RORB: variants seen among roughly 807,000 people sequenced by gnomAD.
RORB encodes the protein nuclear receptor ROR-beta.
Under a neutral mutation model 59.1 loss-of-function variants are expected in RORB, and 6 were observed. The observed-to-expected ratio is 0.10, with a 90% CI of 0.06 to 0.20. The LOEUF is 0.20. Ranked by LOEUF, RORB falls within the 10% of genes least tolerant of loss-of-function variation. The pLI, the probability that RORB is intolerant of heterozygous loss-of-function variation, is 1.00. For synonymous variants in RORB, 215 were observed against 204.5 expected (o/e 1.05, Z -0.44); for missense variants, 320 against 560.5 (o/e 0.57, Z 4.33).
chr9:74,659,954 T>C (rs912413148), intron 4 of RORB, among the ~76,000 whole-genome samples: 1 of 149,246 alleles, frequency 6.7e-6, no homozygotes, highest in Admixed American at 6.7e-5. Context: ...AAGGAGAATA[T>C]AATGGTCCCT....
intron 1 of RORB, among the ~76,000 whole-genome samples, chr9:74,592,915 G>A (rs1822921119): frequency 1.3e-5 from 2 of 151,946 alleles, no homozygotes; most frequent in South Asian, 2.1e-4. Context: ...GAGAGCTAGG[G>A]GAAGCTGTCA....
chr9:74,541,556 A>G (rs2118135355), intron 1 of RORB, among the ~76,000 whole-genome samples: 1 of 152,208 alleles, frequency 6.6e-6, no homozygotes, highest in South Asian at 2.1e-4. Context: ...ACCTGTGATT[A>G]ATTATTTTCC....
Position 74,685,702 on chromosome 9 carries a change from T to C in RORB, c.*84T>C, listed in dbSNP as rs1414927197. 1.4e-5 allele frequency: 14 copies of C among 1,022,786 alleles called. No individual in the cohort carries two copies. The East Asian group carries it at 3.6e-4, about 26-fold the overall frequency. 63.4% of individuals were successfully genotyped at this position (1,022,786 alleles called of 1,614,324 possible). On this transcript the variant is annotated 3_prime_UTR_variant, in exon 10 of 10. Transcript: ENST00000376896. Reference sequence around the variant, plus strand: ...TGTGTTCATGAAGACTTAAGAAAAATGTCACTACTGCAACATTAGGAATGT... The same window carrying C: ...TGTGTTCATGAAGACTTAAGAAAAACGTCACTACTGCAACATTAGGAATGT...
At chr9:74,633,205 A>G (rs929462647) in intron 2 of RORB, among the ~76,000 whole-genome samples, 7 of 152,196 alleles carry the variant, frequency 4.6e-5, no homozygotes, top group African/African-American at 1.7e-4. Context: ...TTTTTAACAC[A>G]TTGTGTTAAA....
chr9:74,517,363 A>G (rs1301582321), intron 1 of RORB, among the ~76,000 whole-genome samples: 14 of 152,022 alleles, frequency 9.2e-5, no homozygotes, highest in Non-Finnish European at 1.5e-5. Flanking sequence ...TGTAACTTGC[A>G]CTATACTCGG....
intron 2 of RORB, among the ~76,000 whole-genome samples, chr9:74,633,178 T>G (rs1823647968): frequency 6.6e-6 from 1 of 152,204 alleles, no homozygotes. Flanking sequence ...TATTGGGTAT[T>G]TTTGCATTAA....
intron 4 of RORB, 79 bp from the exon 5 acceptor site, chr9:74,660,538 T>A (rs1225653289): frequency 8.9e-6 from 12 of 1,353,616 alleles, no homozygotes; most frequent in Non-Finnish European, 1.2e-5. Context: ...CAAAAGGCAT[T>A]CTTATAGTAA....
intron 1 of RORB, among the ~76,000 whole-genome samples, chr9:74,568,552 T>C (rs1396735248): frequency 6.6e-6 from 1 of 151,632 alleles, no homozygotes; most frequent in Non-Finnish European, 1.5e-5. Context: ...ATACAAAAAT[T>C]AGCCAGGTGT....
chr9:74,622,519 A>ATTTTTT lies in RORB; in HGVS notation c.8-7743_8-7738dup, dbSNP rs33946613. ...TCACAGAGATGCTGTTACAACCCAGATTTTTTTTTTTTTTTTTTTTTTTTT... is the reference window on the plus strand; with the variant it reads ...TCACAGAGATGCTGTTACAACCCAGATTTTTTTTTTTTTTTTTTTTTTTTTTTTTTT... On this transcript the variant is annotated intron_variant, in intron 1 of 9. Coordinates refer to ENST00000376896, the MANE Select transcript of RORB (RefSeq NM_006914.4). Among the ~76,000 whole-genome samples the ATTTTTT allele has an allele frequency of 1.5e-3, 110 of 74,140 alleles. 6 individuals are homozygous for ATTTTTT. Among genetic ancestry groups the ATTTTTT allele is most frequent in the African/African-American group, 2.5e-3 (45 of 17,864 alleles). 48.6% of individuals were successfully genotyped at this position (74,140 alleles called of 152,430 possible).
In RORB at chr9:74,690,632, C is replaced by T. The variant is rs1824726593; in HGVS notation, c.*5014C>T. On this transcript the variant is annotated 3_prime_UTR_variant, in exon 10 of 10. Transcript: ENST00000376896. ...CCAGCTCAACTGCAGCAAGTCTGGTCAGATTCAACCCTGGACGATATTAGA... is the reference window on the plus strand; with the variant it reads ...CCAGCTCAACTGCAGCAAGTCTGGTTAGATTCAACCCTGGACGATATTAGA... 6.6e-6 allele frequency: 1 copy of T among 152,252 alleles called. No individual in the cohort carries two copies. The highest frequency in any genetic ancestry group is 6.5e-5 in the Admixed American group (1 of 15,294). The allele number at this position is 152,252 out of a possible 1,614,324, so 9.4% of individuals were successfully genotyped here.
intron 4 of RORB, among the ~76,000 whole-genome samples, chr9:74,659,276 G>A (rs1458213388): frequency 1.3e-5 from 2 of 152,206 alleles, no homozygotes; most frequent in Non-Finnish European, 2.9e-5. Context: ...GAAGCTTAGT[G>A]AGATAGAAAG....
At chr9:74,660,344 T>A (rs1249666289) in intron 4 of RORB, among the ~76,000 whole-genome samples, 1 of 152,154 alleles carries the variant, frequency 6.6e-6, no homozygotes, top group Non-Finnish European at 1.5e-5. Context: ...ATCTTTTTTA[T>A]AAATAAATAC....
At chr9:74,562,771 T>C (rs1822414931) in intron 1 of RORB, among the ~76,000 whole-genome samples, 1 of 152,198 alleles carries the variant, frequency 6.6e-6, no homozygotes, top group Non-Finnish European at 1.5e-5. Context: ...TAAATGTTTC[T>C]TATTTTGAAA....
At chr9:74,630,638 T>A (rs1381545328) in intron 2 of RORB, among the ~76,000 whole-genome samples, 1 of 152,176 alleles carries the variant, frequency 6.6e-6, no homozygotes, top group Non-Finnish European at 1.5e-5. Context: ...ATACAAACAC[T>A]GACTCTTGCT....
intron 9 of RORB, among the ~76,000 whole-genome samples, chr9:74,681,362 T>A (rs1448925786): frequency 2.0e-5 from 3 of 152,210 alleles, no homozygotes; most frequent in African/African-American, 7.2e-5. Flanking sequence ...CGCCTCCACA[T>A]GGCCTCCTGG....
At position 74,627,160 on chromosome 9, in the gene RORB, CA is replaced by C. The variant is rs5898367; in HGVS notation, c.8-3107del. Among the ~76,000 whole-genome samples, 188 of 132,742 alleles carry C rather than the reference CA, an allele frequency of 1.4e-3. 2 individuals carry two copies. Among genetic ancestry groups the C allele is most frequent in the Non-Finnish European group, 1.2e-3 (75 of 63,406 alleles). 87.1% of individuals were successfully genotyped at this position (132,742 alleles called of 152,430 possible). A position where few individuals can be genotyped will look rare whatever the true frequency, so the allele number is the denominator to read the frequency against. On this transcript the variant is annotated intron_variant, in intron 1 of 9. Coordinates refer to ENST00000376896, the MANE Select transcript of RORB (RefSeq NM_006914.4). Reference sequence around the variant, plus strand: ...CTGGCAACAGAGCAAGACTCCATCTCAAAAAAAAAAAAAAAGTATAAACTAT... The same window carrying C: ...CTGGCAACAGAGCAAGACTCCATCTCAAAAAAAAAAAAAAGTATAAACTAT...
At chr9:74,537,794 CT>C (rs1042325075) in intron 1 of RORB, among the ~76,000 whole-genome samples, 2 of 151,978 alleles carry the variant, frequency 1.3e-5, no homozygotes, top group African/African-American at 4.8e-5. Flanking sequence ...TATAATGGAC[CT>C]GAAAAATACC....
At chr9:74,597,863 C>T (rs1822993613) in intron 1 of RORB, among the ~76,000 whole-genome samples, 1 of 151,750 alleles carries the variant, frequency 6.6e-6, no homozygotes, top group Admixed American at 6.6e-5. Flanking sequence ...GAGGCTGAGG[C>T]AGGAGAATCG....
intron 2 of RORB, among the ~76,000 whole-genome samples, chr9:74,630,835 AG>A (rs112711393): frequency 0.66 from 97,211 of 146,412 alleles, 33,453 homozygotes; most frequent in East Asian, 0.83. Flanking sequence ...GGAAAAAAAA[AG>A]AAAAGAAAAG....
Sources: gnomAD v4.1 joint callset for allele counts (sites outside exome capture counted in the v4.1 genomes callset) on GRCh38, gnomAD v4.1.1 for gene constraint, MANE v1.5 for transcripts, NCBI Gene and HGNC (gene_info 2026-07-23, HGNC 2026-07-21) for gene names.